The following CHEK2 variants were observed in gnomAD, a reference collection of about 807,000 sequenced individuals.
CHEK2 encodes serine/threonine-protein kinase Chk2.
In CHEK2, 71 loss-of-function variants were observed where a neutral mutation model predicts 69.1. The ratio of observed to expected loss-of-function variants is 1.03; its 90% CI spans 0.85 to 1.25. CHEK2 has a LOEUF of 1.25. CHEK2 is among the 50% of genes most tolerant of loss of function. The pLI, the probability that CHEK2 is intolerant of heterozygous loss-of-function variation, is 0.00. For missense variants in CHEK2, 664 were observed against 649.6 expected, an observed-to-expected ratio of 1.02 and a Z score of -0.24; for synonymous variants, 189 against 226.9, an observed-to-expected ratio of 0.83 and a Z score of 1.50.
At chr22:28,691,642 G>C (rs1354507077) in intron 13 of CHEK2, among the ~76,000 whole-genome samples, 1 of 152,234 alleles carries the variant, frequency 6.6e-6, no homozygotes, top group Non-Finnish European at 1.5e-5. Context: ...GCTGCAGTGA[G>C]CTATAATTGC....
chr22:28,710,111 TA>T, intron 6 of CHEK2, 52 bp from the exon 7 acceptor site: 11 of 1,250,910 alleles, frequency 8.8e-6, no homozygotes, highest in South Asian at 1.2e-5. Context: ...TGCCAATATT[TA>T]AAAAAACATT....
At chr22:28,706,298 T>TCACACA (rs113795955) in intron 7 of CHEK2, among the ~76,000 whole-genome samples, 6 of 147,880 alleles carry the variant, frequency 4.1e-5, no homozygotes, top group Non-Finnish European at 6.0e-5. Context: ...ACACTCCAGC[T>TCACACA]CACACACACA....
intron 7 of CHEK2, among the ~76,000 whole-genome samples, chr22:28,706,558 C>T (rs2053149925): frequency 6.6e-6 from 1 of 152,182 alleles, no homozygotes; most frequent in Non-Finnish European, 1.5e-5. Flanking sequence ...ATCCTCCCAC[C>T]TCAGCTTCCC....
intron 1 of CHEK2, among the ~76,000 whole-genome samples, chr22:28,739,071 C>T (rs150302863): frequency 0.015 from 2,296 of 152,084 alleles, 29 homozygotes; most frequent in Non-Finnish European, 0.023. Context: ...GAGTTCAAGA[C>T]CAGCCTGGTC....
At chr22:28,700,080 A>G (rs2052779537) in intron 8 of CHEK2, 143 bp from the exon 9 acceptor site, 4 of 642,572 alleles carry the variant, frequency 6.2e-6, no homozygotes, top group Middle Eastern at 2.7e-4. Context: ...TTTTAAAACT[A>G]ATAAGGTTTA....
At chr22:28,712,986 C>G (rs2053457347) in intron 5 of CHEK2, among the ~76,000 whole-genome samples, 2 of 152,196 alleles carry the variant, frequency 1.3e-5, no homozygotes, top group African/African-American at 4.8e-5. Flanking sequence ...TCTACCCTGT[C>G]CCCAGCACTC....
intron 2 of CHEK2, among the ~76,000 whole-genome samples, chr22:28,732,339 G>A (rs553677555): frequency 6.0e-4 from 92 of 152,210 alleles, no homozygotes; most frequent in African/African-American, 1.9e-3. Flanking sequence ...TCGAACTCCC[G>A]ATCTCAGGTG....
At chr22:28,699,669 G>A (rs749512799) in intron 9 of CHEK2, 169 bp downstream of exon 9, 10 of 653,382 alleles carry the variant, frequency 1.5e-5, no homozygotes, top group Non-Finnish European at 8.2e-6. Context: ...GCCAGTGAGA[G>A]CTTTTTCATC....
At chr22:28,725,608 C>T (rs1198965749) in intron 2 of CHEK2, among the ~76,000 whole-genome samples, 1 of 152,250 alleles carries the variant, frequency 6.6e-6, no homozygotes, top group Non-Finnish European at 1.5e-5. Context: ...CACCTGTAAT[C>T]TCAGCCCTTT....
chr22:28,709,392 C>T (rs2053301516), intron 7 of CHEK2, among the ~76,000 whole-genome samples: 1 of 152,084 alleles, frequency 6.6e-6, no homozygotes, highest in African/African-American at 2.4e-5. Context: ...TCTAATATAA[C>T]CAGTTGTGTC....
intron 7 of CHEK2, among the ~76,000 whole-genome samples, chr22:28,707,602 T>C (rs144878533): frequency 6.6e-6 from 1 of 152,310 alleles, no homozygotes; most frequent in African/African-American, 2.4e-5. Flanking sequence ...TCAGGCTCTC[T>C]TGGCCACTAG....
chr22:28,716,758 G>A (rs1221729447), intron 5 of CHEK2, among the ~76,000 whole-genome samples: 1 of 152,172 alleles, frequency 6.6e-6, no homozygotes, highest in Non-Finnish European at 1.5e-5. Context: ...TGTGGTAACA[G>A]TATCCTGATA....
intron 2 of CHEK2, chr22:28,729,290 T>A: frequency 3.8e-6 from 1 of 263,290 alleles, no homozygotes; most frequent in Non-Finnish European, 7.7e-6. Flanking sequence ...ACATCTGTAT[T>A]CCCAGCACTT....
chr22:28,740,505 G>A (rs561426668), intron 1 of CHEK2, among the ~76,000 whole-genome samples: 2 of 152,174 alleles, frequency 1.3e-5, no homozygotes, highest in South Asian at 4.2e-4. Flanking sequence ...CCTTTTCTCC[G>A]AATGTTAAAT....
Position 28,711,998 on chromosome 22 carries a change from T to A in CHEK2, c.703A>T (p.Lys235Ter), listed in dbSNP as rs780245843. The A allele has an allele frequency of 1.9e-6, 3 of 1,612,650 alleles. No individual in the cohort carries two copies. The South Asian group carries it at 3.3e-5, about 18-fold the overall frequency. ...CATGTTTTCCTCTCGAAAGCCAGCTTTACCTCTCCACAGGCACCACTAGAG... is the reference window on the plus strand; with the variant it reads ...CATGTTTTCCTCTCGAAAGCCAGCTATACCTCTCCACAGGCACCACTAGAG... ...TLGSGACGEV[K>*]LAFERKTCKK... The change falls in exon 6 of 15, where the codon AAG becomes TAG. Residue 235 changes from lysine (K) to a stop codon, truncating the protein, a stop_gained. Coordinates refer to ENST00000404276, the MANE Select transcript of CHEK2 (RefSeq NM_007194.4). LOFTEE classifies it high-confidence loss of function.
intron 2 of CHEK2, 92 bp from the exon 3 acceptor site, chr22:28,725,459 C>A (rs2146074291): frequency 7.0e-7 from 1 of 1,422,208 alleles, no homozygotes; most frequent in South Asian, 1.1e-5. Context: ...AGGAAAATAG[C>A]CTAAGAAGGC....
In CHEK2 at chr22:28,711,503, C is replaced by G. The variant is rs2053388782; in HGVS notation, c.792+406G>C. Among the ~76,000 whole-genome samples, 4 of 152,078 alleles carry G rather than the reference C, an allele frequency of 2.6e-5. No homozygotes were observed. In the South Asian group the frequency reaches 6.2e-4, roughly 24 times the overall value. On this transcript the variant is annotated intron_variant, in intron 6 of 14. Coordinates refer to ENST00000404276, the MANE Select transcript of CHEK2 (RefSeq NM_007194.4). ...GTATATACAAGATGATTTCAACCAT[C>G]TAAAAACACGATTTCATCTGAACAA...
At chr22:28,733,292 G>C (rs1447996687) in intron 2 of CHEK2, among the ~76,000 whole-genome samples, 1 of 152,228 alleles carries the variant, frequency 6.6e-6, no homozygotes, top group East Asian at 1.9e-4. Flanking sequence ...AACCACAGCA[G>C]AGGTTAACTA....
intron 1 of CHEK2, among the ~76,000 whole-genome samples, chr22:28,736,226 A>T (rs1259068178): frequency 1.3e-5 from 2 of 152,222 alleles, no homozygotes; most frequent in Admixed American, 6.5e-5. Context: ...AAAGTTGAGG[A>T]GCATCTGTGT....
Sources: gnomAD v4.1 joint callset for allele counts (sites outside exome capture counted in the v4.1 genomes callset) on GRCh38, gnomAD v4.1.1 for gene constraint, MANE v1.5 for transcripts, NCBI Gene and HGNC (gene_info 2026-07-23, HGNC 2026-07-21) for gene names.